ADAM12: variants seen among roughly 807,000 people sequenced by gnomAD.
ADAM12 encodes the protein ADAM metallopeptidase domain 12.
ADAM12 carries 70 observed loss-of-function variants against 106.4 expected under a neutral mutation model. That is an observed-to-expected ratio of 0.66 (90% CI 0.54 to 0.80). The LOEUF (loss-of-function observed/expected upper bound fraction) is 0.80. Ranked by LOEUF, ADAM12 falls within the 30% of genes least tolerant of loss-of-function variation. The pLI is 0.00. For missense variants in ADAM12, 1,010 were observed against 1,171.9 expected, an observed-to-expected ratio of 0.86 and a Z score of 2.02; for synonymous variants, 420 against 433.5, an observed-to-expected ratio of 0.97 and a Z score of 0.39.
At chr10:126,309,493 C>T (rs1257258404) in intron 2 of ADAM12, among the ~76,000 whole-genome samples, 2 of 152,164 alleles carry the variant, frequency 1.3e-5, no homozygotes, top group East Asian at 3.9e-4. Flanking sequence ...CCACTCATAA[C>T]CAAGAGTTGA....
chr10:126,206,746 A>C (rs1407070433), intron 3 of ADAM12, among the ~76,000 whole-genome samples: 1 of 150,546 alleles, frequency 6.6e-6, no homozygotes, highest in African/African-American at 2.4e-5. Flanking sequence ...TTTCTCCTGA[A>C]GGCTTTGCAG....
intron 3 of ADAM12, among the ~76,000 whole-genome samples, chr10:126,160,312 C>T (rs1305664424): frequency 1.3e-5 from 2 of 151,918 alleles, no homozygotes; most frequent in Non-Finnish European, 2.9e-5. Context: ...CATGGTGTGC[C>T]CAACAAAAAC....
At chr10:126,166,938 G>A (rs1257390468) in intron 3 of ADAM12, among the ~76,000 whole-genome samples, 2 of 152,132 alleles carry the variant, frequency 1.3e-5, no homozygotes, top group Non-Finnish European at 2.9e-5. Context: ...AAAGCCCCAC[G>A]CCCACTTCTC....
At chr10:126,310,511 G>A (rs1276866695) in intron 2 of ADAM12, among the ~76,000 whole-genome samples, 1 of 152,136 alleles carries the variant, frequency 6.6e-6, no homozygotes, top group African/African-American at 2.4e-5. Context: ...CAAGTGGTAG[G>A]GTAGAACCAG....
In ADAM12 at chr10:126,118,174, C is replaced by T; in HGVS notation, c.467G>A (p.Ser156Asn). Reference sequence around the variant, plus strand: ...GAAGAGTTTGTATCTGTTGGTTGCACTTTTCATTGGTTCTAAGACATAGCT... The same window carrying T: ...GAAGAGTTTGTATCTGTTGGTTGCATTTTTCATTGGTTCTAAGACATAGCT... ...NESYVLEPMK[S>N]ATNRYKLFPA... Residue 156 changes from serine (S) to asparagine (N), a missense_variant, in exon 6 of 23, where the codon AGT becomes AAT. Physicochemically the swap from Ser to Asn is conservative, Grantham distance 46. Coordinates refer to ENST00000448723, the MANE Select transcript of ADAM12 (RefSeq NM_001288973.2). The T allele has an allele frequency of 1.2e-6, 2 of 1,614,136 alleles. No individual in the cohort carries two copies. Among genetic ancestry groups the T allele is most frequent in the Non-Finnish European group, 1.7e-6 (2 of 1,179,990 alleles).
At chr10:126,132,967 C>G (rs533130092) in intron 5 of ADAM12, among the ~76,000 whole-genome samples, 1 of 152,184 alleles carries the variant, frequency 6.6e-6, no homozygotes, top group East Asian at 1.9e-4. Flanking sequence ...GTCTTTAATC[C>G]TCTACTGACC....
intron 1 of ADAM12, among the ~76,000 whole-genome samples, chr10:126,385,740 G>A (rs1490407997): frequency 1.3e-5 from 2 of 151,968 alleles, no homozygotes; most frequent in African/African-American, 4.8e-5. Context: ...GGTGAGCAAA[G>A]GGAGAATGGT....
intron 2 of ADAM12, among the ~76,000 whole-genome samples, chr10:126,308,970 ATTTTT>A (rs1327460634): frequency 3.3e-5 from 5 of 152,136 alleles, no homozygotes. Flanking sequence ...GATATCTGCC[ATTTTT>A]GCCTGCTTGC....
At chr10:126,155,125 A>T in intron 4 of ADAM12, 102 bp downstream of exon 4, 2 of 1,314,280 alleles carry the variant, frequency 1.5e-6, no homozygotes, top group Non-Finnish European at 2.2e-6. Flanking sequence ...GGCCTAAGTT[A>T]AGAATCTGGG....
At chr10:126,237,427 C>G (rs1286128615) in intron 3 of ADAM12, among the ~76,000 whole-genome samples, 3 of 152,156 alleles carry the variant, frequency 2.0e-5, no homozygotes, top group African/African-American at 7.2e-5. Context: ...TTGGGGCCGA[C>G]CTCATTTCAT....
At chr10:126,218,813 A>C (rs955899440) in intron 3 of ADAM12, among the ~76,000 whole-genome samples, 1 of 152,220 alleles carries the variant, frequency 6.6e-6, no homozygotes, top group African/African-American at 2.4e-5. Context: ...TAGGATAAGA[A>C]GGGCAGCTGC....
At chr10:126,276,145 C>T (rs1184778197) in intron 3 of ADAM12, among the ~76,000 whole-genome samples, 1 of 152,126 alleles carries the variant, frequency 6.6e-6, no homozygotes, top group African/African-American at 2.4e-5. Context: ...TTAGGTAAAA[C>T]ATCTTTAAGC....
chr10:126,206,863 G>GGC lies in ADAM12; in HGVS notation c.261-51559_261-51558insGC, dbSNP rs1554986907. On this transcript the variant is annotated intron_variant, in intron 3 of 22. Coordinates refer to ENST00000448723, the MANE Select transcript of ADAM12 (RefSeq NM_001288973.2). ...GAATTCCCATGTGTTGTGGGGGCGGGGGGGAGCCAGTGGGAGGTAATTGAA... is the reference window on the plus strand; with the variant it reads ...GAATTCCCATGTGTTGTGGGGGCGGGGCGGGGAGCCAGTGGGAGGTAATTGAA... Among the ~76,000 whole-genome samples the GGC allele has an allele frequency of 3.2e-4, 48 of 148,054 alleles. 1 individual carries two copies. The South Asian group carries it at 5.3e-3, about 16-fold the overall frequency.
At chr10:126,362,363 T>C (rs1031323405) in intron 1 of ADAM12, among the ~76,000 whole-genome samples, 5 of 152,130 alleles carry the variant, frequency 3.3e-5, no homozygotes, top group East Asian at 1.9e-4. Flanking sequence ...ATGATGATTA[T>C]GAAAAACTCT....
At chr10:126,225,784 C>T (rs1440352958) in intron 3 of ADAM12, among the ~76,000 whole-genome samples, 3 of 152,288 alleles carry the variant, frequency 2.0e-5, no homozygotes, top group East Asian at 1.9e-4. Context: ...TGGCTGGGAA[C>T]GTTGCTCCTC....
At chr10:126,126,383 C>A (rs117524248) in intron 5 of ADAM12, among the ~76,000 whole-genome samples, 1 of 152,110 alleles carries the variant, frequency 6.6e-6, no homozygotes, top group Admixed American at 6.5e-5. Flanking sequence ...CTGTCACTAA[C>A]AACATTTTAT....
At chr10:126,270,689 G>A (rs758148928) in intron 3 of ADAM12, among the ~76,000 whole-genome samples, 2 of 152,160 alleles carry the variant, frequency 1.3e-5, no homozygotes, top group African/African-American at 2.4e-5. Context: ...TTTAACAAGC[G>A]CTCCAGGTGG....
chr10:126,304,245 A>G (rs1960745220), intron 2 of ADAM12, among the ~76,000 whole-genome samples: 1 of 150,182 alleles, frequency 6.7e-6, no homozygotes, highest in African/African-American at 2.4e-5. Context: ...ACAGAAAACT[A>G]GAATACTGAT....
chr10:126,056,095 TC>T (rs1339410457), intron 14 of ADAM12, among the ~76,000 whole-genome samples: 2 of 152,228 alleles, frequency 1.3e-5, no homozygotes, highest in Non-Finnish European at 2.9e-5. Flanking sequence ...CATTAATTCA[TC>T]CAGTGGCTTG....
Sources: gnomAD v4.1 joint callset for allele counts (sites outside exome capture counted in the v4.1 genomes callset) on GRCh38, gnomAD v4.1.1 for gene constraint, MANE v1.5 for transcripts, NCBI Gene and HGNC (gene_info 2026-07-23, HGNC 2026-07-21) for gene names.